The following ERBB4 variants were observed in gnomAD, a reference collection of about 807,000 sequenced individuals.
ERBB4 encodes the protein receptor tyrosine-protein kinase erbB-4.
In ERBB4, 42 loss-of-function variants were observed where a neutral mutation model predicts 158.0. The ratio of observed to expected loss-of-function variants is 0.27; its 90% confidence interval spans 0.21 to 0.34. The LOEUF is 0.34. ERBB4 is among the 10% of genes least tolerant of loss of function. ERBB4 has a pLI of 1.00. For synonymous variants in ERBB4, 583 were observed against 558.7 expected (o/e 1.04, Z -0.61); for missense variants, 1,333 against 1,624.1 (o/e 0.82, Z 3.08).
At chr2:211,707,952 C>G (rs1032574098) in intron 9 of ERBB4, among the ~76,000 whole-genome samples, 1 of 152,118 alleles carries the variant, frequency 6.6e-6, no homozygotes, top group South Asian at 2.1e-4. Context: ...CTATTTTAAT[C>G]AAACCATATG....
At chr2:211,594,291 T>C (rs2068563322) in intron 19 of ERBB4, among the ~76,000 whole-genome samples, 1 of 151,734 alleles carries the variant, frequency 6.6e-6, no homozygotes, top group Non-Finnish European at 1.5e-5. Context: ...CAAAAGAAAT[T>C]AGCCGGGCGT....
chr2:212,447,361 CTT>C (rs1389895149), intron 1 of ERBB4, among the ~76,000 whole-genome samples: 3 of 151,696 alleles, frequency 2.0e-5, no homozygotes, highest in Admixed American at 6.6e-5. Flanking sequence ...AACTTCTCCA[CTT>C]TGTCCTACAA....
chr2:212,088,561 C>T (rs765773113), intron 2 of ERBB4, among the ~76,000 whole-genome samples: 3 of 152,074 alleles, frequency 2.0e-5, no homozygotes, highest in Non-Finnish European at 4.4e-5. Context: ...AATTCACACC[C>T]TGGTTGGTAG....
intron 2 of ERBB4, among the ~76,000 whole-genome samples, chr2:212,086,004 G>C (rs551693133): frequency 6.6e-6 from 1 of 151,892 alleles, no homozygotes; most frequent in Admixed American, 6.6e-5. Flanking sequence ...CTATACATCT[G>C]AGAACTTCCC....
chr2:212,181,691 A>G lies in ERBB4; in HGVS notation c.83-56788T>C, dbSNP rs531665977. On this transcript the variant is annotated intron_variant, in intron 1 of 27. Coordinates refer to ENST00000342788, the MANE Select transcript of ERBB4 (RefSeq NM_005235.3). Reference sequence around the variant, plus strand: ...TCACAATTAATAAAAATCAAAACTAATATGTGCTACAATTATTTAATGATT... The same window carrying G: ...TCACAATTAATAAAAATCAAAACTAGTATGTGCTACAATTATTTAATGATT... Among the ~76,000 whole-genome samples the G allele has an allele frequency of 2.6e-5, 4 of 151,852 alleles. No individual in the cohort carries two copies. The East Asian group carries it at 7.7e-4, about 29-fold the overall frequency.
chr2:211,807,346 A>C (rs1328894236), intron 3 of ERBB4, among the ~76,000 whole-genome samples: 1 of 152,074 alleles, frequency 6.6e-6, no homozygotes, highest in Non-Finnish European at 1.5e-5. Flanking sequence ...CGCTGTGCCC[A>C]AGTGTTCTCA....
chr2:212,162,292 A>G (rs1341291349), intron 1 of ERBB4, among the ~76,000 whole-genome samples: 2 of 151,906 alleles, frequency 1.3e-5, no homozygotes, highest in Non-Finnish European at 2.9e-5. Flanking sequence ...CCTTAAAAAC[A>G]TTATCTTTGA....
chr2:211,550,321 C>T (rs62180214), intron 20 of ERBB4, among the ~76,000 whole-genome samples: 7,731 of 151,744 alleles, frequency 0.051, 363 homozygotes, highest in African/African-American at 0.13. Context: ...TAACCCAAAG[C>T]CCCTGATAGC....
intron 1 of ERBB4, among the ~76,000 whole-genome samples, chr2:212,361,085 T>C (rs760974729): frequency 2.0e-5 from 3 of 151,634 alleles, no homozygotes; most frequent in Non-Finnish European, 4.4e-5. Flanking sequence ...TACAAATGTG[T>C]AGTCTCAGTA....
At chr2:211,933,037 C>A (rs778657641) in intron 3 of ERBB4, among the ~76,000 whole-genome samples, 2 of 151,928 alleles carry the variant, frequency 1.3e-5, no homozygotes, top group Non-Finnish European at 2.9e-5. Context: ...GAGTTGATAA[C>A]CTACATTGTG....
chr2:212,401,875 C>G (rs1470363625), intron 1 of ERBB4, among the ~76,000 whole-genome samples: 4 of 151,990 alleles, frequency 2.6e-5, no homozygotes, highest in Non-Finnish European at 5.9e-5. Context: ...AACAGTGACA[C>G]CAAATACTGA....
intron 1 of ERBB4, among the ~76,000 whole-genome samples, chr2:212,253,357 A>C (rs2084610099): frequency 6.6e-6 from 1 of 152,206 alleles, no homozygotes; most frequent in Non-Finnish European, 1.5e-5. Flanking sequence ...TGAACATCTC[A>C]GGTAGTTATT....
At chr2:211,388,460 T>A (rs962665749) in intron 25 of ERBB4, among the ~76,000 whole-genome samples, 2 of 152,218 alleles carry the variant, frequency 1.3e-5, no homozygotes, top group Non-Finnish European at 2.9e-5. Context: ...CCTGGACTAA[T>A]TTTTGCTATC....
At chr2:211,653,982 C>T (rs914573855) in intron 16 of ERBB4, among the ~76,000 whole-genome samples, 7 of 152,088 alleles carry the variant, frequency 4.6e-5, no homozygotes, top group Admixed American at 1.3e-4. Context: ...CCCAAAACAA[C>T]TATTTTCATT....
At chr2:212,242,649 T>C (rs911455025) in intron 1 of ERBB4, among the ~76,000 whole-genome samples, 1 of 152,104 alleles carries the variant, frequency 6.6e-6, no homozygotes, top group African/African-American at 2.4e-5. Context: ...TATTCAGTTA[T>C]AGCATGTTAC....
At chr2:211,589,694 A>G (rs1240449071) in intron 19 of ERBB4, among the ~76,000 whole-genome samples, 11 of 152,186 alleles carry the variant, frequency 7.2e-5, no homozygotes, top group Admixed American at 6.5e-5. Context: ...GATGTCAGTC[A>G]AAAATTTGAA....
chr2:212,046,985 T>C lies in ERBB4; in HGVS notation c.234+77767A>G, dbSNP rs560748150. On this transcript the variant is annotated intron_variant, in intron 2 of 27. Coordinates refer to ENST00000342788, the MANE Select transcript of ERBB4 (RefSeq NM_005235.3). ...CAATTTGGAAGCTTACTATAGAAAA[T>C]AAGCACAAAGAGCTGAGTGCAAAAA... 3.9e-5 allele frequency among the ~76,000 whole-genome samples: 6 copies of C among 152,256 alleles called. No individual in the cohort carries two copies. The East Asian group carries it at 1.2e-3, about 29-fold the overall frequency.
At chr2:212,230,564 T>C (rs1255047225) in intron 1 of ERBB4, among the ~76,000 whole-genome samples, 1 of 152,150 alleles carries the variant, frequency 6.6e-6, no homozygotes, top group Non-Finnish European at 1.5e-5. Flanking sequence ...TTTAAAATGT[T>C]AAAATACAGA....
intron 1 of ERBB4, among the ~76,000 whole-genome samples, chr2:212,526,092 C>T (rs901603355): frequency 2.0e-5 from 3 of 151,794 alleles, no homozygotes; most frequent in African/African-American, 7.3e-5. Flanking sequence ...AAATATGTTA[C>T]TTATAGAAAT....
Sources: gnomAD v4.1 joint callset for allele counts (sites outside exome capture counted in the v4.1 genomes callset) on GRCh38, gnomAD v4.1.1 for gene constraint, MANE v1.5 for transcripts, NCBI Gene and HGNC (gene_info 2026-07-23, HGNC 2026-07-21) for gene names.